Variants in MYO16 observed in about 807,000 individuals in gnomAD.
MYO16 encodes myosin XVI, also known as unconventional myosin-XVI.
Under a neutral mutation model 205.3 loss-of-function variants are expected in MYO16, and 94 were observed. The observed-to-expected ratio is 0.46, with a 90% CI of 0.39 to 0.54. The LOEUF is 0.54. MYO16 is among the 20% of genes least tolerant of loss of function. The pLI is 0.00. For synonymous variants in MYO16, 988 were observed against 954.0 expected, an observed-to-expected ratio of 1.04 and a Z score of -0.66; for missense variants, 2,315 against 2,387.5, an observed-to-expected ratio of 0.97 and a Z score of 0.63.
At chr13:108,846,606 G>A (rs892107620) in intron 10 of MYO16, among the ~76,000 whole-genome samples, 2 of 151,838 alleles carry the variant, frequency 1.3e-5, no homozygotes, top group African/African-American at 4.8e-5. Flanking sequence ...AGTTATGTGA[G>A]CAAAGAAATT....
chr13:108,722,307 T>G (rs1884193383), intron 3 of MYO16, among the ~76,000 whole-genome samples: 3 of 152,146 alleles, frequency 2.0e-5, no homozygotes, highest in African/African-American at 7.2e-5. Flanking sequence ...GGGAGGAATA[T>G]TTCCTGGCTT....
rs1221870545 is a variant in MYO16 at position 109,100,932 on chromosome 13, A to G, written c.3438+45A>G. Reference sequence around the variant, plus strand: ...TGAAAATAACATTTTAGGATTTTAAATAAATGAGCTGAGTCATTGCAGGGA... The same window carrying G: ...TGAAAATAACATTTTAGGATTTTAAGTAAATGAGCTGAGTCATTGCAGGGA... On this transcript the variant is annotated intron_variant, in intron 28 of 34. Transcript: ENST00000457511. The G allele has an allele frequency of 3.9e-6, 6 of 1,536,150 alleles. No individual in the cohort carries two copies. In the East Asian group the frequency reaches 9.1e-5, roughly 23 times the overall value.
chr13:109,184,023 T>C (rs748377862), intron 34 of MYO16, among the ~76,000 whole-genome samples: 4 of 152,232 alleles, frequency 2.6e-5, no homozygotes, highest in Non-Finnish European at 5.9e-5. Flanking sequence ...ATATTCATTG[T>C]ATTTGTTATA....
chr13:108,711,660 C>G (rs1448319102), intron 2 of MYO16, among the ~76,000 whole-genome samples: 1 of 152,166 alleles, frequency 6.6e-6, no homozygotes, highest in African/African-American at 2.4e-5. Context: ...GGAAGATAGT[C>G]AGAGACTAGA....
intron 20 of MYO16, among the ~76,000 whole-genome samples, chr13:108,966,882 A>G (rs1044500245): frequency 6.6e-6 from 1 of 152,128 alleles, no homozygotes; most frequent in African/African-American, 2.4e-5. Context: ...AATTTGGATA[A>G]CCTTAGAATA....
At chr13:109,023,107 G>T (rs1379597957) in intron 23 of MYO16, among the ~76,000 whole-genome samples, 2 of 130,058 alleles carry the variant, frequency 1.5e-5, no homozygotes, top group African/African-American at 5.7e-5. Context: ...TTTATATATT[G>T]TATATACATA....
At chr13:108,877,085 A>T (rs1176357258) in intron 12 of MYO16, among the ~76,000 whole-genome samples, 2 of 152,182 alleles carry the variant, frequency 1.3e-5, no homozygotes, top group East Asian at 3.8e-4. Context: ...TCTTGTAACG[A>T]CACACAACCG....
chr13:108,505,393 T>G, the MYO16 span, among the ~76,000 whole-genome samples: 1 of 152,196 alleles, frequency 6.6e-6, no homozygotes, highest in East Asian at 1.9e-4. Context: ...CATATGTCAT[T>G]GTGGTTTTAA....
At chr13:109,096,049 T>A (rs1345644475) in intron 27 of MYO16, among the ~76,000 whole-genome samples, 2 of 152,226 alleles carry the variant, frequency 1.3e-5, no homozygotes, top group Non-Finnish European at 2.9e-5. Context: ...TGGGTTCAAT[T>A]CCAGCTCAGC....
chr13:108,587,313 G>T, the MYO16 span, among the ~76,000 whole-genome samples: 14 of 152,200 alleles, frequency 9.2e-5, no homozygotes, highest in Non-Finnish European at 1.8e-4. Context: ...GTGGACTGCT[G>T]GCTTTCTGAG....
At chr13:108,665,418 A>G (rs1050588223) in intron 1 of MYO16, among the ~76,000 whole-genome samples, 5 of 152,118 alleles carry the variant, frequency 3.3e-5, no homozygotes, top group African/African-American at 1.2e-4. Context: ...GGCAGCATAT[A>G]TATTCTATTA....
chr13:108,926,035 C>T (rs533410283), intron 16 of MYO16, among the ~76,000 whole-genome samples: 9 of 152,340 alleles, frequency 5.9e-5, no homozygotes, highest in South Asian at 4.1e-4. Flanking sequence ...TTGTTCTGAC[C>T]GCACAAAGAC....
intron 9 of MYO16, among the ~76,000 whole-genome samples, chr13:108,829,869 G>A (rs1876502082): frequency 6.6e-6 from 1 of 151,824 alleles, no homozygotes; most frequent in Admixed American, 6.6e-5. Context: ...ATCTGACAAA[G>A]GGCTAATATC....
intron 33 of MYO16, among the ~76,000 whole-genome samples, chr13:109,165,491 T>C (rs116549025): frequency 0.022 from 3,338 of 152,324 alleles, 50 homozygotes; most frequent in African/African-American, 0.043. Flanking sequence ...GTGGCTTGAT[T>C]GCAGGTACAA....
chr13:108,674,704 T>A (rs1882128372), intron 2 of MYO16, among the ~76,000 whole-genome samples: 1 of 152,190 alleles, frequency 6.6e-6, no homozygotes, highest in African/African-American at 2.4e-5. Context: ...TTACTGGATG[T>A]GATGTATGTT....
the MYO16 span, among the ~76,000 whole-genome samples, chr13:108,535,284 C>A: frequency 4.6e-5 from 7 of 152,190 alleles, no homozygotes; most frequent in African/African-American, 1.7e-4. Context: ...GACAAACAAA[C>A]AAACAAAAAA....
intron 2 of MYO16, among the ~76,000 whole-genome samples, chr13:108,687,220 C>T (rs1214654217): frequency 6.6e-6 from 1 of 152,220 alleles, no homozygotes; most frequent in Non-Finnish European, 1.5e-5. Context: ...ATAAATCTCA[C>T]TTCTCTGTAG....
chr13:109,201,224 T>C (rs1324907394), intron 34 of MYO16, among the ~76,000 whole-genome samples: 1 of 152,174 alleles, frequency 6.6e-6, no homozygotes, highest in African/African-American at 2.4e-5. Context: ...GAAGACAACA[T>C]GCATCCTTTA....
chr13:108,899,292 G>A (rs543699874), intron 15 of MYO16, among the ~76,000 whole-genome samples: 10 of 152,058 alleles, frequency 6.6e-5, no homozygotes, highest in African/African-American at 9.6e-5. Context: ...GTGTGGTGGC[G>A]CATGCCTGTA....
Sources: gnomAD v4.1 joint callset for allele counts (sites outside exome capture counted in the v4.1 genomes callset) on GRCh38, gnomAD v4.1.1 for gene constraint, MANE v1.5 for transcripts, NCBI Gene and HGNC (gene_info 2026-07-23, HGNC 2026-07-21) for gene names.